Variants in CBLC observed in about 807,000 individuals in gnomAD.
CBLC encodes Cbl proto-oncogene C.
In CBLC, 46 loss-of-function variants were observed where a neutral mutation model predicts 58.6. The observed-to-expected ratio is 0.79, with a 90% confidence interval of 0.62 to 1.00. The LOEUF (loss-of-function observed/expected upper bound fraction) is 1.00. Among genes scored for constraint, CBLC ranks in the 50% least tolerant of loss-of-function variants. CBLC has a pLI of 0.00. For missense variants in CBLC, 655 were observed against 625.8 expected, an observed-to-expected ratio of 1.05 and a Z score of -0.50; for synonymous variants, 271 against 264.2, an observed-to-expected ratio of 1.03 and a Z score of -0.25.
At chr19:44,792,884 C>A (rs887712328) in intron 7 of CBLC, among the ~76,000 whole-genome samples, 1 of 152,050 alleles carries the variant, frequency 6.6e-6, no homozygotes, top group African/African-American at 2.4e-5. Flanking sequence ...CGGTGGCTCA[C>A]GCCTGTAATC....
rs1968008177 is a variant in CBLC at position 44,790,084 on chromosome 19, T to C, written c.998T>C (p.Val333Ala). ...GQAEPQQRIH[V>A]SEEQLQLYWA... is the part of the protein sequence containing the mutation. Reference sequence around the variant, plus strand: ...GCAGAACCCCAGCAGCGCATCCACGTGTCAGAGGTGAGACCCGCACCTGCA... The same window carrying C: ...GCAGAACCCCAGCAGCGCATCCACGCGTCAGAGGTGAGACCCGCACCTGCA... The change falls in exon 6 of 11, where the codon GTG (valine) becomes GCG (alanine). Residue 333 changes from valine (V) to alanine (A), a missense_variant. Transcript: ENST00000647358. 3 of 1,613,450 alleles carry C rather than the reference T, an allele frequency of 1.9e-6. No individual in the cohort carries two copies. The highest frequency in any genetic ancestry group is 2.5e-6 in the Non-Finnish European group (3 of 1,179,558).
At chr19:44,782,924 A>T (rs1041022025) in intron 4 of CBLC, among the ~76,000 whole-genome samples, 3 of 152,156 alleles carry the variant, frequency 2.0e-5, no homozygotes, top group Non-Finnish European at 4.4e-5. Context: ...CTGAGAATTG[A>T]GCTGTCTAGA....
At chr19:44,792,580 G>T in intron 7 of CBLC, 66 bp downstream of exon 7, 2 of 1,440,312 alleles carry the variant, frequency 1.4e-6, no homozygotes, top group South Asian at 1.4e-5. Context: ...AGCCCCAAAA[G>T]GATCTCCATG....
rs1272578610 is a variant in CBLC at position 44,794,244 on chromosome 19, T to C, written c.1325T>C (p.Leu442Pro). The C allele has an allele frequency of 1.2e-6, 2 of 1,613,054 alleles. No individual in the cohort carries two copies. Among genetic ancestry groups the C allele is most frequent in the African/African-American group, 1.3e-5 (1 of 74,812 alleles). The change falls in exon 9 of 11, where the codon CTG becomes CCG. Residue 442 changes from leucine (L) to proline (P), a missense_variant. This residue lies in a region of CBLC where 371 missense variants were observed against 370.8 expected (regional missense o/e 1.00). Coordinates refer to ENST00000647358, the MANE Select transcript of CBLC (RefSeq NM_012116.4). ...CCTCCATTGCCCCCACGGCCAGATCTGCCCCCCAGGAAGCCCAGAAATGCC... is the reference window on the plus strand; with the variant it reads ...CCTCCATTGCCCCCACGGCCAGATCCGCCCCCCAGGAAGCCCAGAAATGCC... ...SAPPLPPRPD[L>P]PPRKPRNAQP...
chr19:44,778,144 G>T lies in CBLC; in HGVS notation c.213G>T (p.Gly71=). The T allele has an allele frequency of 6.3e-7, 1 of 1,586,466 alleles. No individual in the cohort carries two copies. ...GGGCGGCCGGCGGAGGCGGCCCCGG[G>T]GGTCCCGGCGGCTCTGGGGACTTTC... ...SRRAAGGGGP[G]GPGGSGDFLL... The change falls in exon 1 of 11, where the codon GGG becomes GGT. Residue 71 remains glycine, a synonymous_variant. Transcript: ENST00000647358.
Position 44,782,425 on chromosome 19 carries a change from A to G in CBLC, c.713A>G (p.Tyr238Cys), listed in dbSNP as rs1324057395. Residue 238 changes from tyrosine (Y) to cysteine (C), a missense_variant, in exon 4 of 11, where the codon TAC (tyrosine) becomes TGC (cysteine). Tyr to Cys is a radical substitution (Grantham distance 194). This residue lies in a region of CBLC where 371 missense variants were observed against 370.8 expected (regional missense o/e 1.00). Transcript: ENST00000647358. Reference sequence around the variant, plus strand: ...CTCCTGGCAGTCAACCACCCAGGCTACATGGCCTTCCTCACCTATGATGAG... The same window carrying G: ...CTCCTGGCAGTCAACCACCCAGGCTGCATGGCCTTCCTCACCTATGATGAG... Reference protein sequence around the residue: ...WQLLAVNHPGYMAFLTYDEVQ... With the variant: ...WQLLAVNHPGCMAFLTYDEVQ... 6.2e-7 allele frequency: 1 copy of G among 1,613,864 alleles called. No homozygotes were observed. The highest frequency in any genetic ancestry group is 1.1e-5 in the South Asian group (1 of 91,082).
Position 44,792,435 on chromosome 19 carries a change from T to A in CBLC, c.1058T>A (p.Ile353Asn). 1 of 1,613,646 alleles carries A rather than the reference T, an allele frequency of 6.2e-7. No homozygotes were observed. Among genetic ancestry groups the A allele is most frequent in the African/African-American group, 1.3e-5 (1 of 75,028 alleles). The part of the protein sequence containing the change: ...AMDSTFELCK[I>N]CAESNKDVKI... ...GACTCCACATTTGAGCTCTGCAAGATCTGTGCTGAGAGCAACAAGGATGTG... is the reference window on the plus strand; with the variant it reads ...GACTCCACATTTGAGCTCTGCAAGAACTGTGCTGAGAGCAACAAGGATGTG... The change falls in exon 7 of 11, where the codon ATC becomes AAC. Residue 353 changes from isoleucine to asparagine, a missense_variant. Transcript: ENST00000647358.
At chr19:44,794,611 C>T (rs1240687506) in intron 9 of CBLC, among the ~76,000 whole-genome samples, 1 of 151,454 alleles carries the variant, frequency 6.6e-6, no homozygotes, top group African/African-American at 2.4e-5. Context: ...ATTACAGGCA[C>T]CCACCACCAT....
intron 9 of CBLC, among the ~76,000 whole-genome samples, chr19:44,797,260 T>C (rs1968197171): frequency 6.6e-6 from 1 of 152,114 alleles, no homozygotes; most frequent in Non-Finnish European, 1.5e-5. Flanking sequence ...GTTGTTGTTG[T>C]TGTTGTTTGA....
At chr19:44,782,622 T>A (rs1011854229) in intron 4 of CBLC, 131 bp downstream of exon 4, 1 of 703,514 alleles carries the variant, frequency 1.4e-6, no homozygotes, top group Admixed American at 2.8e-5. Context: ...AGAGAGTTGA[T>A]AACTCAGAGG....
At chr19:44,784,581 C>T (rs1426422975) in intron 5 of CBLC, among the ~76,000 whole-genome samples, 180 bp downstream of exon 5, 2 of 152,114 alleles carry the variant, frequency 1.3e-5, no homozygotes, top group South Asian at 2.1e-4. Context: ...GAGGAAGGGG[C>T]GCCTCTGAGG....
intron 5 of CBLC, 151 bp from the exon 6 acceptor site, chr19:44,789,853 G>A: frequency 1.5e-6 from 1 of 647,708 alleles, no homozygotes; most frequent in Non-Finnish European, 2.8e-6. Flanking sequence ...AGAGGTGGGT[G>A]GAGGGAAAAT....
intron 3 of CBLC, 78 bp downstream of exon 3, chr19:44,781,441 G>T: frequency 6.9e-7 from 1 of 1,439,812 alleles, no homozygotes; most frequent in African/African-American, 1.4e-5. Context: ...TCCTGGGTCT[G>T]AGGGAGGAAG....
chr19:44,799,688 TAAAGAAAGAGAGAGAG>T (rs1968248528), intron 9 of CBLC, among the ~76,000 whole-genome samples: 1 of 122,254 alleles, frequency 8.2e-6, no homozygotes, highest in Non-Finnish European at 1.7e-5. Flanking sequence ...GAAAGAAAAG[TAAAGAAAGAGAGAGAG>T]AAAGAAAGGG....
chr19:44,795,027 G>A (rs1313710646), intron 9 of CBLC, among the ~76,000 whole-genome samples: 1 of 150,152 alleles, frequency 6.7e-6, no homozygotes, highest in Non-Finnish European at 1.5e-5. Flanking sequence ...GCATAATCTC[G>A]GCTCACAGCA....
At chr19:44,796,805 A>C (rs932132179) in intron 9 of CBLC, among the ~76,000 whole-genome samples, 1 of 152,048 alleles carries the variant, frequency 6.6e-6, no homozygotes, top group Admixed American at 6.6e-5. Context: ...GGCTGAGTAC[A>C]CACAGGCTTC....
At position 44,792,451 on chromosome 19, in the gene CBLC, C is replaced by A. The variant is rs750794901; in HGVS notation, c.1074C>A (p.Asn358Lys). Residue 358 changes from asparagine (N) to lysine (K), a missense_variant, in exon 7 of 11, where the codon AAC (asparagine) becomes AAA (lysine). Transcript: ENST00000647358. Reference sequence around the variant, plus strand: ...TCTGCAAGATCTGTGCTGAGAGCAACAAGGATGTGAAGATTGAGCCGTGCG... The same window carrying A: ...TCTGCAAGATCTGTGCTGAGAGCAAAAAGGATGTGAAGATTGAGCCGTGCG... Reference protein sequence around the residue: ...FELCKICAESNKDVKIEPCGH... With the variant: ...FELCKICAESKKDVKIEPCGH... The A allele has an allele frequency of 6.2e-7, 1 of 1,613,228 alleles. No individual in the cohort carries two copies. Among genetic ancestry groups the A allele is most frequent in the African/African-American group, 1.3e-5 (1 of 74,900 alleles).
intron 4 of CBLC, among the ~76,000 whole-genome samples, chr19:44,783,509 C>CAA (rs111548258): frequency 4.6e-4 from 57 of 124,446 alleles, no homozygotes; most frequent in African/African-American, 1.7e-3. Context: ...AACTCCATCT[C>CAA]AAAAAAAAAA....
chr19:44,793,893 A>ATGGG (rs1968120400), intron 8 of CBLC, among the ~76,000 whole-genome samples: 3 of 140,512 alleles, frequency 2.1e-5, no homozygotes, highest in African/African-American at 8.8e-5. Context: ...CTGAGGGAGG[A>ATGGG]GAATATGGGG....
Sources: allele counts gnomAD v4.1 joint callset (sites outside exome capture counted in the v4.1 genomes callset), GRCh38; gene constraint gnomAD v4.1.1; regional missense constraint gnomAD v4.1.1; transcripts MANE v1.5; gene names NCBI Gene and HGNC (gene_info 2026-07-23, HGNC 2026-07-21).